Variants in PLEKHH1 observed in about 807,000 individuals in gnomAD.
The protein encoded by PLEKHH1 is pleckstrin homology, MyTH4 and FERM domain containing H1, also known as pleckstrin homology domain-containing family H member 1.
Under a neutral mutation model 160.0 loss-of-function variants are expected in PLEKHH1, and 104 were observed. That is an observed-to-expected ratio of 0.65 (90% CI 0.55 to 0.76). PLEKHH1 has a LOEUF of 0.76. Ranked by LOEUF, PLEKHH1 falls within the 30% of genes least tolerant of loss-of-function variation. The pLI, the probability that PLEKHH1 is intolerant of heterozygous loss-of-function variation, is 0.00. For missense variants in PLEKHH1, 1,427 were observed against 1,724.1 expected (o/e 0.83, Z 3.05); for synonymous variants, 619 against 678.4 (o/e 0.91, Z 1.36).
chr14:67,577,392 C>T lies in PLEKHH1; in HGVS notation c.2552C>T (p.Thr851Met), dbSNP rs532340182. ...ACCCTGCCCTCTGAGGCCTTGCAGA[C>T]GGAGGCCCTCAAGCTCTTCAAGGTA... ...LTTLPSEALQ[T>M]EALKLFKSCQ... The change falls in exon 18 of 29, where the codon ACG (threonine) becomes ATG (methionine). Residue 851 changes from threonine to methionine, a missense_variant. Thr to Met is a moderately conservative substitution (Grantham distance 81, BLOSUM62 -1). Coordinates refer to ENST00000329153, the MANE Select transcript of PLEKHH1 (RefSeq NM_020715.3). 91 of 1,585,628 alleles carry T rather than the reference C, an allele frequency of 5.7e-5. 2 individuals are homozygous for T. In the South Asian group the frequency reaches 8.2e-4, roughly 14 times the overall value.
Position 67,533,303 on chromosome 14 carries a change from G to C in PLEKHH1, c.-130G>C, listed in dbSNP as rs1438049300. 1 of 151,808 alleles carries C rather than the reference G, an allele frequency of 6.6e-6. No homozygotes were observed. The highest frequency in any genetic ancestry group is 1.5e-5 in the Non-Finnish European group (1 of 67,868). 9.4% of individuals were successfully genotyped at this position (151,808 alleles called of 1,614,324 possible). The stretch of plus-strand genomic sequence containing the variant: ...GAGGGGAGAACCGGCGGCAGCCCGG[G>C]ACTCCGGCGAGAGCGACGCAAGGTC... On this transcript the variant is annotated 5_prime_UTR_variant, in exon 1 of 29. Coordinates refer to ENST00000329153, the MANE Select transcript of PLEKHH1 (RefSeq NM_020715.3).
At chr14:67,551,126 CTT>C (rs1317556367) in intron 2 of PLEKHH1, among the ~76,000 whole-genome samples, 1 of 152,204 alleles carries the variant, frequency 6.6e-6, no homozygotes, top group Non-Finnish European at 1.5e-5. Flanking sequence ...ATAGGACACT[CTT>C]TAAATTAATA....
intron 26 of PLEKHH1, 146 bp downstream of exon 26, chr14:67,584,270 T>C: frequency 2.7e-6 from 2 of 748,656 alleles, no homozygotes; most frequent in East Asian, 5.4e-5. Context: ...CTAGTCCAGC[T>C]TTCCACAGTC....
intron 7 of PLEKHH1, among the ~76,000 whole-genome samples, chr14:67,568,150 GTTCATCACAGCAC>G (rs1356569533): frequency 6.6e-6 from 1 of 152,008 alleles, no homozygotes; most frequent in Non-Finnish European, 1.5e-5. Context: ...TCCCACATAT[GTTCATCACAGCAC>G]TACTCACAAT....
chr14:67,537,631 C>T (rs1280513516), intron 1 of PLEKHH1, among the ~76,000 whole-genome samples: 1 of 151,942 alleles, frequency 6.6e-6, no homozygotes, highest in Non-Finnish European at 1.5e-5. Context: ...GTGCCACTCA[C>T]TCCAGCCTGG....
intron 4 of PLEKHH1, among the ~76,000 whole-genome samples, chr14:67,558,477 A>T (rs1371737891): frequency 6.6e-6 from 1 of 152,206 alleles, no homozygotes; most frequent in African/African-American, 2.4e-5. Context: ...ATCTCTGATC[A>T]ATTCTTCCAT....
chr14:67,575,482 A>G lies in PLEKHH1; in HGVS notation c.2169+10A>G. 2 of 1,558,990 alleles carry G rather than the reference A, an allele frequency of 1.3e-6. No homozygotes were observed. Among genetic ancestry groups the G allele is most frequent in the Non-Finnish European group, 1.8e-6 (2 of 1,138,816 alleles). The stretch of plus-strand genomic sequence containing the variant: ...GAGCCATGAGGACAAGGTACTTCTC[A>G]GCCTCCTCACAATACCCACTCTCCT... On this transcript the variant is annotated intron_variant, in intron 15 of 28. Transcript: ENST00000329153.
At position 67,562,015 on chromosome 14, in the gene PLEKHH1, C is replaced by A. The variant is rs750432818; in HGVS notation, c.485C>A (p.Ser162Tyr). ...HNQRLVEQVG[S>Y]LQDALEAIQI... Reference sequence around the variant, plus strand: ...CAGCGCCTGGTGGAGCAGGTGGGATCCCTTCAAGATGCGCTAGAAGGTAGG... The same window carrying A: ...CAGCGCCTGGTGGAGCAGGTGGGATACCTTCAAGATGCGCTAGAAGGTAGG... Residue 162 changes from serine (S) to tyrosine (Y), a missense_variant, in exon 6 of 29, where the codon TCC (serine) becomes TAC (tyrosine). Physicochemically the swap from Ser to Tyr is moderately radical, Grantham distance 144. Coordinates refer to ENST00000329153, the MANE Select transcript of PLEKHH1 (RefSeq NM_020715.3). 3 of 1,613,516 alleles carry A rather than the reference C, an allele frequency of 1.9e-6. No individual in the cohort carries two copies. In the East Asian group the frequency reaches 6.7e-5, roughly 36 times the overall value.
chr14:67,555,924 G>A lies in PLEKHH1; in HGVS notation c.189+37G>A, dbSNP rs2034574647. The A allele has an allele frequency of 1.9e-6, 3 of 1,606,904 alleles. No individual in the cohort carries two copies. The East Asian group carries it at 6.7e-5, about 36-fold the overall frequency. The stretch of plus-strand genomic sequence containing the variant: ...AGGGGATCGGCGGGAATATGCAGGG[G>A]AATGACCGTCGGCCCTTCCAGGCCC... On this transcript the variant is annotated intron_variant, in intron 3 of 28. Coordinates refer to ENST00000329153, the MANE Select transcript of PLEKHH1 (RefSeq NM_020715.3).
At chr14:67,583,971 T>C (rs1566765947) in intron 25 of PLEKHH1, 24 bp from the exon 26 acceptor site, 1 of 1,613,898 alleles carries the variant, frequency 6.2e-7, no homozygotes, top group East Asian at 2.2e-5. Context: ...ATTGGCACTA[T>C]TTCTCTCCAT....
In PLEKHH1 at chr14:67,562,399, A is replaced by T. The variant is rs2034881638; in HGVS notation, c.768A>T (p.Gln256His). 1 of 1,613,738 alleles carries T rather than the reference A, an allele frequency of 6.2e-7. No individual in the cohort carries two copies. Among genetic ancestry groups the T allele is most frequent in the African/African-American group, 1.3e-5 (1 of 75,046 alleles). ...SGETVEAKPLQPHLGRESPPH... is the reference protein window; with the variant it reads ...SGETVEAKPLHPHLGRESPPH... Reference sequence around the variant, plus strand: ...AAACAGTAGAGGCCAAGCCCCTTCAACCTCATCTGGGAAGAGAGAGCCCTC... The same window carrying T: ...AAACAGTAGAGGCCAAGCCCCTTCATCCTCATCTGGGAAGAGAGAGCCCTC... Residue 256 changes from glutamine (Q) to histidine (H), a missense_variant, in exon 7 of 29, where the codon CAA becomes CAT. Gln to His is a conservative substitution (Grantham distance 24). This residue lies in a region of PLEKHH1 where 831 missense variants were observed against 929.2 expected (regional missense o/e 0.89). Transcript: ENST00000329153.
intron 2 of PLEKHH1, among the ~76,000 whole-genome samples, chr14:67,543,015 G>C (rs911905659): frequency 1.3e-5 from 2 of 152,164 alleles, no homozygotes; most frequent in Non-Finnish European, 2.9e-5. Context: ...TCAGCTGGAA[G>C]ATACATTCTA....
chr14:67,579,416 CAGA>C lies in PLEKHH1; in HGVS notation c.3027+108_3027+110del, dbSNP rs1280057346. On this transcript the variant is annotated intron_variant, in intron 21 of 28. Coordinates refer to ENST00000329153, the MANE Select transcript of PLEKHH1 (RefSeq NM_020715.3). ...CTTGGCAGATTGTTCACTGTTGCCC[CAGA>C]AGTAGATATTATGAACTCACTGCAT... 1.2e-5 allele frequency: 11 copies of C among 929,052 alleles called. No homozygotes were observed. The Admixed American group carries it at 2.3e-4, about 19-fold the overall frequency. 57.6% of individuals were successfully genotyped at this position (929,052 alleles called of 1,614,324 possible). A position where few individuals can be genotyped will look rare whatever the true frequency, so the allele number is the denominator to read the frequency against.
Position 67,573,820 on chromosome 14 carries a change from C to G in PLEKHH1, c.1859C>G (p.Pro620Arg). The change falls in exon 13 of 29, where the codon CCT (proline) becomes CGT (arginine). Residue 620 changes from proline to arginine, a missense_variant. By Grantham distance (103) the Pro-to-Arg change is moderately radical. Around this residue, in one of 6 missense-constraint regions of PLEKHH1, gnomAD observed 831 missense variants for 929.2 expected, o/e 0.89. Coordinates refer to ENST00000329153, the MANE Select transcript of PLEKHH1 (RefSeq NM_020715.3). This position sits in a 1 kb window ranked among gnomAD's most constrained non-coding sequence, Gnocchi z 4.8. ...YKSPSDVIRK[P>R]QGQVDLNSRC... ...TTACAGAGTGATGTCATCCGGAAAC[C>G]TCAAGGCCAAGTGGATCTGAACTCC... 6.2e-7 allele frequency: 1 copy of G among 1,613,286 alleles called. No homozygotes were observed. Among genetic ancestry groups the G allele is most frequent in the Non-Finnish European group, 8.5e-7 (1 of 1,179,232 alleles).
chr14:67,574,378 C>A lies in PLEKHH1; in HGVS notation c.2063C>A (p.Pro688His). Residue 688 changes from proline to histidine, a missense_variant, in exon 14 of 29, where the codon CCC becomes CAC. Transcript: ENST00000329153. The surrounding 1 kb of genome is among the most constrained non-coding windows in gnomAD (Gnocchi z 4.2). ...PPALLRGGTK[P>H]TVKGWLTKVK... is the part of the protein sequence containing the mutation. ...GCTCTGCTTCGGGGTGGCACCAAGC[C>A]CACCGTGAAGGGCTGGCTGACCAAG... 6.3e-7 allele frequency: 1 copy of A among 1,586,802 alleles called. No individual in the cohort carries two copies. The highest frequency in any genetic ancestry group is 1.8e-5 in the Admixed American group (1 of 55,366).
chr14:67,568,181 A>G (rs968617845), intron 7 of PLEKHH1, among the ~76,000 whole-genome samples: 2 of 152,174 alleles, frequency 1.3e-5, no homozygotes, highest in Non-Finnish European at 2.9e-5. Context: ...AATAGCAAAG[A>G]CATGGAATCA....
chr14:67,578,189 C>G lies in PLEKHH1; in HGVS notation c.2741C>G (p.Ser914Cys), dbSNP rs1178886650. Residue 914 changes from serine (S) to cysteine (C), a missense_variant, in exon 19 of 29, where the codon TCC becomes TGC. Ser to Cys is a moderately radical substitution (Grantham distance 112, BLOSUM62 -1). Transcript: ENST00000329153. The surrounding 1 kb of genome is among the most constrained non-coding windows in gnomAD (Gnocchi z 5.0). ...QTSCRPPQKYSLMQCWQLLAL... is the reference protein window; with the variant it reads ...QTSCRPPQKYCLMQCWQLLAL... ...AGCTGCCGCCCACCTCAGAAGTACT[C>G]CCTCATGCAGGTAGGCATGCCAGGG... 3.1e-6 allele frequency: 5 copies of G among 1,613,392 alleles called. No individual in the cohort carries two copies. The highest frequency in any genetic ancestry group is 2.7e-5 in the African/African-American group (2 of 74,916).
chr14:67,577,974 G>A (rs2035704115), intron 18 of PLEKHH1, 49 bp from the exon 19 acceptor site: 1 of 1,567,132 alleles, frequency 6.4e-7, no homozygotes. Context: ...TGAGTTCTCT[G>A]AACCCAGGGG....
In PLEKHH1 at chr14:67,576,644, G is replaced by A. The variant is rs1174958251; in HGVS notation, c.2461+141G>A. 3 of 542,796 alleles carry A rather than the reference G, an allele frequency of 5.5e-6. No homozygotes were observed. Among genetic ancestry groups the A allele is most frequent in the African/African-American group, 1.9e-5 (1 of 52,150 alleles). The allele number at this position is 542,796 out of a possible 1,614,324, so 33.6% of individuals were successfully genotyped here. ...CCACAGAGGGGAAGTTCCCATCCAA[G>A]CTCCAGGGCCCCTCTGTCTCCGGCT... On this transcript the variant is annotated intron_variant, in intron 17 of 28. Coordinates refer to ENST00000329153, the MANE Select transcript of PLEKHH1 (RefSeq NM_020715.3). This position sits in a 1 kb window ranked among gnomAD's most constrained non-coding sequence, Gnocchi z 4.0.
Sources: gnomAD v4.1 joint callset for allele counts (sites outside exome capture counted in the v4.1 genomes callset) on GRCh38, gnomAD v4.1.1 for gene constraint, gnomAD v4.1.1 regional missense constraint, Gnocchi (gnomAD v3.1) non-coding constraint, MANE v1.5 for transcripts, NCBI Gene and HGNC (gene_info 2026-07-23, HGNC 2026-07-21) for gene names.